Variants in ZNF215 observed in about 807,000 individuals in gnomAD.
ZNF215 encodes BWSCR2-associated zinc finger protein 2.
In ZNF215, 24 loss-of-function variants were observed where a neutral mutation model predicts 27.2. That is an observed-to-expected ratio of 0.88 (90% CI 0.64 to 1.24). ZNF215 has a LOEUF of 1.24. Ranked by LOEUF, ZNF215 falls within the 50% of genes most tolerant of loss-of-function variation. The pLI, the probability that ZNF215 is intolerant of heterozygous loss-of-function variation, is 0.00. For synonymous variants in ZNF215, 210 were observed against 204.0 expected (o/e 1.03, Z -0.25); for missense variants, 675 against 605.7 (o/e 1.11, Z -1.20).
At chr11:6,984,054 C>T in intron 5 of ZNF215, 1 of 369,098 alleles carries the variant, frequency 2.7e-6, no homozygotes, top group South Asian at 2.1e-5. Context: ...CAAACGCTAT[C>T]TTTGGGGGTA....
chr11:6,927,578 T>C (rs750423715), intron 1 of ZNF215, 84 bp from the exon 2 acceptor site: 3 of 152,266 alleles, frequency 2.0e-5, no homozygotes, highest in Admixed American at 2.0e-4. Context: ...CGTGTCTTAA[T>C]CCTGAATCCC....
At chr11:6,954,443 G>A (rs965745952) in intron 6 of ZNF215, among the ~76,000 whole-genome samples, 3 of 152,360 alleles carry the variant, frequency 2.0e-5, no homozygotes, top group African/African-American at 7.2e-5. Context: ...GGGCAATGGC[G>A]GGAGCCCCTC....
chr11:6,938,239 A>G, intron 3 of ZNF215, among the ~76,000 whole-genome samples: 1 of 152,018 alleles, frequency 6.6e-6, no homozygotes, highest in East Asian at 1.9e-4. Flanking sequence ...ATAGGAATAA[A>G]TGTTCAGGAT....
chr11:6,943,203 T>C lies in ZNF215; in HGVS notation c.604T>C (p.Ser202Pro). Residue 202 changes from serine to proline, a missense_variant, in exon 5 of 7, where the codon TCA (serine) becomes CCA (proline). Coordinates refer to ENST00000278319, the MANE Select transcript of ZNF215 (RefSeq NM_013250.4). ...GCTGGAAAACTTTAGGAACCTGAATTCATTGCGTAAAGGTGGTTTCTATAT... is the reference window on the plus strand; with the variant it reads ...GCTGGAAAACTTTAGGAACCTGAATCCATTGCGTAAAGGTGGTTTCTATAT... ...VMLENFRNLN[S>P]LRKAHLLSKP... 1.3e-5 allele frequency: 21 copies of C among 1,612,508 alleles called. No homozygotes were observed. The highest frequency in any genetic ancestry group is 1.8e-5 in the Non-Finnish European group (21 of 1,179,474).
intron 6 of ZNF215, among the ~76,000 whole-genome samples, chr11:6,952,981 C>T (rs1168820344): frequency 6.6e-6 from 1 of 152,092 alleles, no homozygotes; most frequent in African/African-American, 2.4e-5. Flanking sequence ...TTTTATTTCT[C>T]CTTCACGTAT....
At chr11:6,983,425 T>C (rs1056449884) in intron 5 of ZNF215, among the ~76,000 whole-genome samples, 3 of 152,178 alleles carry the variant, frequency 2.0e-5, no homozygotes, top group Admixed American at 6.5e-5. Flanking sequence ...AGCATCATCT[T>C]GATACCAAAG....
chr11:6,952,183 TGTG>T, intron 6 of ZNF215, among the ~76,000 whole-genome samples: 1 of 152,174 alleles, frequency 6.6e-6, no homozygotes, highest in Non-Finnish European at 1.5e-5. Context: ...ATAGGTGTGG[TGTG>T]GTGCTGAAAA....
At chr11:6,983,190 C>A (rs1260558722) in intron 5 of ZNF215, among the ~76,000 whole-genome samples, 1 of 152,192 alleles carries the variant, frequency 6.6e-6, no homozygotes, top group Non-Finnish European at 1.5e-5. Flanking sequence ...CACATACACC[C>A]TCCCAAGACT....
intron 5 of ZNF215, among the ~76,000 whole-genome samples, chr11:6,971,463 T>A (rs1850716570): frequency 6.6e-6 from 1 of 152,122 alleles, no homozygotes; most frequent in Admixed American, 6.6e-5. Context: ...CAGCAATAAA[T>A]TTTTCTGTAC....
intron 2 of ZNF215, among the ~76,000 whole-genome samples, chr11:6,931,643 A>G (rs1849269661): frequency 6.6e-6 from 1 of 152,220 alleles, no homozygotes; most frequent in Non-Finnish European, 1.5e-5. Flanking sequence ...ATTTTAAACA[A>G]TTGTCTCTTA....
At position 6,980,629 on chromosome 11, in the gene ZNF215, T is replaced by G. The variant is rs137880928; in HGVS notation, c.806-3500T>G. ...CTTTTTATTATTATTATTATTATACTTTAAGTTTTAGGGTACATGTGCACA... is the reference window on the plus strand; with the variant it reads ...CTTTTTATTATTATTATTATTATACGTTAAGTTTTAGGGTACATGTGCACA... On this transcript the variant is annotated intron_variant, in intron 5 of 5. Coordinates refer to the ZNF215 transcript ENST00000529903. Among the ~76,000 whole-genome samples the G allele has an allele frequency of 2.6e-3, 390 of 151,956 alleles. 2 individuals carry two copies. The highest frequency in any genetic ancestry group is 9.2e-3 in the African/African-American group (383 of 41,438).
intron 5 of ZNF215, among the ~76,000 whole-genome samples, chr11:6,980,610 A>T (rs1850928600): frequency 1.4e-5 from 1 of 70,334 alleles, no homozygotes; most frequent in South Asian, 3.0e-4. Flanking sequence ...TTTACTTTTT[A>T]TTATTATTAT....
downstream of ZNF215, among the ~76,000 whole-genome samples, chr11:6,992,574 G>A (rs144980579): frequency 2.6e-3 from 392 of 152,352 alleles, 2 homozygotes; most frequent in Non-Finnish European, 4.5e-3. Context: ...TAGATTTCGA[G>A]GACAGGACTG....
At chr11:6,972,138 A>C (rs1850730655) in intron 5 of ZNF215, among the ~76,000 whole-genome samples, 1 of 152,116 alleles carries the variant, frequency 6.6e-6, no homozygotes, top group Non-Finnish European at 1.5e-5. Flanking sequence ...GAGTGAGATA[A>C]TTATATTTGT....
chr11:6,974,269 C>G (rs1850784630), intron 5 of ZNF215, among the ~76,000 whole-genome samples: 1 of 152,124 alleles, frequency 6.6e-6, no homozygotes, highest in South Asian at 2.1e-4. Flanking sequence ...TGTTTTGGTA[C>G]CAGTACCATG....
intron 5 of ZNF215, among the ~76,000 whole-genome samples, chr11:6,977,245 C>T (rs1329517394): frequency 6.6e-6 from 1 of 151,984 alleles, no homozygotes; most frequent in African/African-American, 2.4e-5. Context: ...AAATTGTGAG[C>T]CATTCTGAGT....
At chr11:6,958,075 C>T (rs1309151732), downstream of ZNF215, 13 of 984,474 alleles carry the variant, frequency 1.3e-5, no homozygotes, top group Non-Finnish European at 1.6e-5. Context: ...TATTGCAACA[C>T]AAGTTTTATT....
At chr11:6,952,468 G>A (rs1270799779) in intron 6 of ZNF215, among the ~76,000 whole-genome samples, 4 of 152,096 alleles carry the variant, frequency 2.6e-5, no homozygotes, top group Admixed American at 1.3e-4. Flanking sequence ...TTGTTGAATT[G>A]ATCCTTTTAC....
intron 5 of ZNF215, chr11:6,984,111 A>C (rs1031026556): frequency 2.5e-6 from 1 of 393,500 alleles, no homozygotes; most frequent in African/African-American, 2.2e-5. Context: ...ATGTCCCTTA[A>C]ATTTTTTTTT....
Sources: gnomAD v4.1 joint callset for allele counts (sites outside exome capture counted in the v4.1 genomes callset) on GRCh38, gnomAD v4.1.1 for gene constraint, MANE v1.5 for transcripts, NCBI Gene and HGNC (gene_info 2026-07-23, HGNC 2026-07-21) for gene names.